The following NAA20 variants were observed in gnomAD, a reference collection of about 807,000 sequenced individuals.
NAA20 encodes the protein N-alpha-acetyltransferase 20.
NAA20 carries 24 observed loss-of-function variants against 23.8 expected under a neutral mutation model. The observed-to-expected ratio is 1.01, with a 90% CI of 0.73 to 1.42. NAA20 has a LOEUF of 1.42. Among genes scored for constraint, NAA20 ranks in the 40% most tolerant of loss-of-function variants. The probability of loss-of-function intolerance (pLI) is 0.00; values close to 1 mark genes in which losing one functional copy is unlikely to be tolerated. For synonymous variants in NAA20, 83 were observed against 77.7 expected, an observed-to-expected ratio of 1.07 and a Z score of -0.36; for missense variants, 166 against 223.1, an observed-to-expected ratio of 0.74 and a Z score of 1.63.
chr20:20,017,501 G>C (rs1470385716), intron 1 of NAA20, 52 bp downstream of exon 1: 3 of 1,538,236 alleles, frequency 2.0e-6, no homozygotes, highest in Admixed American at 4.0e-5. Context: ...CTCGCTTCCC[G>C]GCCCCGCCAG....
At chr20:20,026,991 A>G in intron 4 of NAA20, 72 bp downstream of exon 4, 10 of 1,581,756 alleles carry the variant, frequency 6.3e-6, no homozygotes, top group South Asian at 4.5e-5. Flanking sequence ...TTCAGGCTGA[A>G]TAACTGTCAT....
Position 20,033,341 on chromosome 20 carries a change from A to G in NAA20, c.*154A>G. 1 of 602,172 alleles carries G rather than the reference A, an allele frequency of 1.7e-6. No individual in the cohort carries two copies. 37.3% of individuals were successfully genotyped at this position (602,172 alleles called of 1,614,324 possible). A position where few individuals can be genotyped will look rare whatever the true frequency, so the allele number is the denominator to read the frequency against. On this transcript the variant is annotated 3_prime_UTR_variant, in exon 6 of 6. Coordinates refer to ENST00000334982, the MANE Select transcript of NAA20 (RefSeq NM_016100.5). The stretch of plus-strand genomic sequence containing the variant: ...AGGTTATCAATTTATTTTAAATCTC[A>G]TTGTTTCCAGTTAGCAATATCATAC...
intron 2 of NAA20, among the ~76,000 whole-genome samples, chr20:20,024,049 AT>A (rs1057412029): frequency 6.6e-6 from 1 of 152,136 alleles, no homozygotes; most frequent in African/African-American, 2.4e-5. Flanking sequence ...ATTAATTTAT[AT>A]TTTTTTCTGT....
rs1454447906 is a variant in NAA20 at position 20,018,428 on chromosome 20, C to G, written c.53+979C>G. On this transcript the variant is annotated intron_variant, in intron 1 of 5. Transcript: ENST00000334982. ...AACTAAGGACAAAGTGGTTCCGATT[C>G]AAGTGTCAGGAAGATGGAAAGAACT... 3 of 212,744 alleles carry G rather than the reference C, an allele frequency of 1.4e-5. No homozygotes were observed. In the East Asian group the frequency reaches 3.0e-4, roughly 21 times the overall value. 13.2% of individuals were successfully genotyped at this position (212,744 alleles called of 1,614,324 possible).
intron 4 of NAA20, among the ~76,000 whole-genome samples, chr20:20,030,721 CAA>C (rs2043337747): frequency 6.8e-6 from 1 of 147,926 alleles, no homozygotes; most frequent in South Asian, 2.1e-4. Flanking sequence ...TGAGAGGAAA[CAA>C]AACTTACTTA....
chr20:20,017,774 G>A, intron 1 of NAA20: 1 of 1,439,328 alleles, frequency 6.9e-7, no homozygotes, highest in Non-Finnish European at 9.1e-7. Flanking sequence ...GGGTGATGGG[G>A]CGAGCTGGAG....
At chr20:20,026,977 C>T in intron 4 of NAA20, 58 bp downstream of exon 4, 11 of 1,603,450 alleles carry the variant, frequency 6.9e-6, no homozygotes, top group Non-Finnish European at 9.4e-6. Flanking sequence ...CCATTTTCTT[C>T]CCCTTCAGGC....
chr20:20,024,412 T>C (rs181702298), intron 2 of NAA20, among the ~76,000 whole-genome samples: 43 of 152,338 alleles, frequency 2.8e-4, no homozygotes, highest in African/African-American at 9.1e-4. Context: ...GCAACAGGAC[T>C]ACATATCAGA....
intron 4 of NAA20, among the ~76,000 whole-genome samples, chr20:20,029,595 C>T (rs1181469995): frequency 7.3e-6 from 1 of 136,656 alleles, no homozygotes; most frequent in Non-Finnish European, 1.5e-5. Context: ...CCAGCCTGTG[C>T]AACAGAGCGA....
At chr20:20,020,534 T>C (rs1161570146) in intron 1 of NAA20, among the ~76,000 whole-genome samples, 1 of 152,138 alleles carries the variant, frequency 6.6e-6, no homozygotes, top group African/African-American at 2.4e-5. Flanking sequence ...GGGCAGGGCC[T>C]GGAGAGGCCA....
chr20:20,018,146 AGCCCTGGATGCAGTTTC>A, intron 1 of NAA20: 8 of 1,523,554 alleles, frequency 5.3e-6, no homozygotes, highest in Non-Finnish European at 6.4e-6. Context: ...CTGTGCCCAG[AGCCCTGGATGCAGTTTC>A]TTTGGATTCG....
chr20:20,026,685 T>C (rs1194561285), intron 3 of NAA20, 99 bp from the exon 4 acceptor site: 4 of 1,492,682 alleles, frequency 2.7e-6, no homozygotes, highest in Non-Finnish European at 3.6e-6. Flanking sequence ...AACTTCTTTA[T>C]TAGTTTCCTT....
At position 20,022,467 on chromosome 20, in the gene NAA20, C is replaced by T. The variant is rs747306795; in HGVS notation, c.65C>T (p.Pro22Leu). 2 of 1,582,226 alleles carry T rather than the reference C, an allele frequency of 1.3e-6. No homozygotes were observed. Among genetic ancestry groups the T allele is most frequent in the Non-Finnish European group, 1.7e-6 (2 of 1,168,014 alleles). Residue 22 changes from proline to leucine, a missense_variant, in exon 2 of 6, where the codon CCA becomes CTA. By Grantham distance (98) the Pro-to-Leu change is moderately conservative (BLOSUM62 -3). Coordinates refer to ENST00000334982, the MANE Select transcript of NAA20 (RefSeq NM_016100.5). ...LFRFNNINLDPLTETYGIPFY... is the reference protein window; with the variant it reads ...LFRFNNINLDLLTETYGIPFY... ...CTTGTTTCTTTCAGTAACTTGGATC[C>T]ACTTACAGAAACTGTATCCTTTTTT...
rs2043309421 is a variant in NAA20, at chr20:20,026,796, C to CA, written c.183dup (p.Glu62ArgfsTer6). 1 of 1,613,986 alleles carries CA rather than the reference C, an allele frequency of 6.2e-7. No individual in the cohort carries two copies. The highest frequency in any genetic ancestry group is 1.1e-5 in the South Asian group (1 of 91,088). On this transcript the variant is annotated frameshift_variant, in exon 4 of 6. Coordinates refer to ENST00000334982, the MANE Select transcript of NAA20 (RefSeq NM_016100.5). LOFTEE classifies it high-confidence loss of function. ...TTGTTGTTGGCAGTTATGGGTAAAG[C>CA]AGAAGGCTCAGTAGCTAGGGAAGAA...
At chr20:20,028,728 C>T (rs188538858) in intron 4 of NAA20, among the ~76,000 whole-genome samples, 42 of 152,054 alleles carry the variant, frequency 2.8e-4, no homozygotes, top group Admixed American at 7.2e-4. Context: ...TACATGTATA[C>T]ATAGTGCATA....
Position 20,017,368 on chromosome 20 carries a change from G to A in NAA20, c.-29G>A. ...GGCAGGGCGGGCGCGGGGTCTTGGC[G>A]AACGGTCTTCGGAAGCGGCGGCGGC... On this transcript the variant is annotated 5_prime_UTR_variant, in exon 1 of 6. Transcript: ENST00000334982. 1 of 1,610,634 alleles carries A rather than the reference G, an allele frequency of 6.2e-7. No homozygotes were observed. The highest frequency in any genetic ancestry group is 8.5e-7 in the Non-Finnish European group (1 of 1,179,022).
intron 4 of NAA20, among the ~76,000 whole-genome samples, chr20:20,028,897 A>G (rs6046553): frequency 0.012 from 1,754 of 152,338 alleles, 24 homozygotes; most frequent in African/African-American, 0.04. Flanking sequence ...CAGTAATTAC[A>G]ACAGTAAACG....
chr20:20,017,830 G>A, intron 1 of NAA20: 1 of 1,505,952 alleles, frequency 6.6e-7, no homozygotes, highest in African/African-American at 1.4e-5. Flanking sequence ...CTGCCCTACT[G>A]CTTGCTGGTT....
At chr20:20,022,557 A>G (rs569900378) in intron 2 of NAA20, 77 bp downstream of exon 2, 3 of 1,311,262 alleles carry the variant, frequency 2.3e-6, no homozygotes, top group Non-Finnish European at 3.1e-6. Context: ...AAAGGAAAAC[A>G]GAGGAGTACT....
Sources: allele counts gnomAD v4.1 joint callset (sites outside exome capture counted in the v4.1 genomes callset), GRCh38; gene constraint gnomAD v4.1.1; transcripts MANE v1.5; gene names NCBI Gene and HGNC (gene_info 2026-07-23, HGNC 2026-07-21).